Variants in RPL31 observed in about 807,000 individuals in gnomAD.
RPL31 encodes the protein ribosomal protein L31.
For missense variants in RPL31, 95 were observed against 164.0 expected (o/e 0.58, Z 2.30); for synonymous variants, 51 against 55.0 (o/e 0.93, Z 0.32).
At position 101,007,096 on chromosome 2, in the gene RPL31, TGAG is replaced by T. The variant is rs2105351684; in HGVS notation, c.*716_*718del. On this transcript the variant is annotated 3_prime_UTR_variant, in exon 5 of 5. Coordinates refer to ENST00000264258, the MANE Select transcript of RPL31 (RefSeq NM_000993.5). ...CCGTAGGGCACACCCAAGGCAGGGCTGAGAAGTACCTAGTAGTGTTGCACCACC... is the reference window on the plus strand; with the variant it reads ...CCGTAGGGCACACCCAAGGCAGGGCTAAGTACCTAGTAGTGTTGCACCACC... The T allele has an allele frequency of 6.6e-6, 1 of 152,408 alleles. No individual in the cohort carries two copies. The highest frequency in any genetic ancestry group is 2.4e-5 in the African/African-American group (1 of 41,568). The allele number at this position is 152,408 out of a possible 1,614,324, so 9.4% of individuals were successfully genotyped here. A position where few individuals can be genotyped will look rare whatever the true frequency, so the allele number is the denominator to read the frequency against.
intron 4 of RPL31, among the ~76,000 whole-genome samples, chr2:101,015,437 ATAAAT>A (rs930956405): frequency 2.0e-5 from 3 of 152,204 alleles, no homozygotes; most frequent in Admixed American, 6.5e-5. Flanking sequence ...ATCTTCAATA[ATAAAT>A]TAACCTCAGC....
chr2:101,009,361 G>A (rs757333895), downstream of RPL31, among the ~76,000 whole-genome samples: 22 of 150,472 alleles, frequency 1.5e-4, no homozygotes, highest in Admixed American at 2.0e-4. Context: ...AGCCGAGATC[G>A]TGCCACTGCA....
chr2:101,017,781 T>G, intron 4 of RPL31: 1 of 1,503,352 alleles, frequency 6.7e-7, no homozygotes, highest in Non-Finnish European at 9.0e-7. Flanking sequence ...ACCAAAATCT[T>G]GACAAGCTCA....
chr2:101,010,528 G>A (rs1043150606), downstream of RPL31, among the ~76,000 whole-genome samples: 7 of 151,774 alleles, frequency 4.6e-5, no homozygotes, highest in African/African-American at 1.5e-4. Context: ...ATGATGTTCC[G>A]CTACCTGGAC....
chr2:101,003,731 C>G (rs560636546), intron 2 of RPL31, among the ~76,000 whole-genome samples: 5 of 152,336 alleles, frequency 3.3e-5, no homozygotes, highest in African/African-American at 1.2e-4. Context: ...CAGGCCCCTG[C>G]TCTTTAAGCA....
At chr2:101,017,741 A>T in intron 4 of RPL31, 1 of 1,099,292 alleles carries the variant, frequency 9.1e-7, no homozygotes, top group Non-Finnish European at 1.3e-6. Flanking sequence ...CAGGCAAGAT[A>T]GGGTCAAGTG....
chr2:101,011,105 G>GGAGC, downstream of RPL31: 1 of 1,330,520 alleles, frequency 7.5e-7, no homozygotes. Context: ...GTAGGAGAGA[G>GGAGC]GAGCAAGGGG....
At chr2:101,002,891 A>G in intron 2 of RPL31, 83 bp downstream of exon 2, 2 of 990,632 alleles carry the variant, frequency 2.0e-6, no homozygotes, top group Non-Finnish European at 3.2e-6. Context: ...CCTCCACCCC[A>G]ATCTTTTCCT....
chr2:101,006,662 T>G lies in RPL31; in HGVS notation c.*281T>G. ...TGTTTTGCTAATTCTAAGATAAGCA[T>G]TTTTCCAGAAACCAGGATGTAGAAT... On this transcript the variant is annotated 3_prime_UTR_variant, in exon 5 of 5. Coordinates refer to ENST00000264258, the MANE Select transcript of RPL31 (RefSeq NM_000993.5). 1 of 344,950 alleles carries G rather than the reference T, an allele frequency of 2.9e-6. No homozygotes were observed. The highest frequency in any genetic ancestry group is 5.2e-6 in the Non-Finnish European group (1 of 192,546). 21.4% of individuals were successfully genotyped at this position (344,950 alleles called of 1,614,324 possible). A position where few individuals can be genotyped will look rare whatever the true frequency, so the allele number is the denominator to read the frequency against.
At chr2:101,016,841 A>C (rs971985432) in intron 4 of RPL31, among the ~76,000 whole-genome samples, 3 of 151,628 alleles carry the variant, frequency 2.0e-5, no homozygotes, top group African/African-American at 7.3e-5. Context: ...ACCAAACATC[A>C]CATGTTCTCA....
chr2:101,017,381 A>T (rs1162067686), intron 4 of RPL31, among the ~76,000 whole-genome samples: 2 of 152,202 alleles, frequency 1.3e-5, no homozygotes, highest in East Asian at 3.8e-4. Flanking sequence ...TGTTACATGT[A>T]ATTTTATATG....
intron 2 of RPL31, among the ~76,000 whole-genome samples, chr2:101,003,350 G>A (rs1234446281): frequency 2.0e-5 from 3 of 152,016 alleles, no homozygotes; most frequent in Admixed American, 1.3e-4. Flanking sequence ...GTCTTGCTCT[G>A]TCTCCAGCCT....
At chr2:101,019,079 C>G (rs764504260) in exon 5 of RPL31, 1 of 1,589,084 alleles carries the variant, frequency 6.3e-7, no homozygotes. Flanking sequence ...TGGGTCTCGG[C>G]TCTTCATTGC....
At position 101,007,132 on chromosome 2, in the gene RPL31, C is replaced by G. The variant is rs1377661141; in HGVS notation, c.*751C>G. The G allele has an allele frequency of 6.6e-6, 1 of 152,304 alleles. No homozygotes were observed. The highest frequency in any genetic ancestry group is 1.5e-5 in the Non-Finnish European group (1 of 68,146). The allele number at this position is 152,304 out of a possible 1,614,324, so 9.4% of individuals were successfully genotyped here. A position where few individuals can be genotyped will look rare whatever the true frequency, so the allele number is the denominator to read the frequency against. ...TAGTAGTGTTGCACCACCCAAAAAC[C>G]ATGGATGGGCAGCAGCAACATCTCC... is the stretch of plus-strand genomic sequence containing the variant. On this transcript the variant is annotated 3_prime_UTR_variant, in exon 5 of 5. Transcript: ENST00000264258.
At position 101,006,910 on chromosome 2, in the gene RPL31, C is replaced by T. The variant is rs532773817; in HGVS notation, c.*529C>T. ...TATTTTAAGCCTTTTGTAATGGCCC[C>T]GTGGTACCTGGAGTCAAGGTTCAGA... On this transcript the variant is annotated 3_prime_UTR_variant, in exon 5 of 5. Coordinates refer to ENST00000264258, the MANE Select transcript of RPL31 (RefSeq NM_000993.5). 22 of 152,314 alleles carry T rather than the reference C, an allele frequency of 1.4e-4. No homozygotes were observed. The highest frequency in any genetic ancestry group is 4.6e-4 in the African/African-American group (19 of 41,490). 9.4% of individuals were successfully genotyped at this position (152,314 alleles called of 1,614,324 possible). A position where few individuals can be genotyped will look rare whatever the true frequency, so the allele number is the denominator to read the frequency against.
intron 4 of RPL31, among the ~76,000 whole-genome samples, chr2:101,017,018 A>G (rs1363458053): frequency 6.6e-6 from 1 of 151,942 alleles, no homozygotes; most frequent in East Asian, 1.9e-4. Flanking sequence ...TGGCACATGT[A>G]TACATATGTA....
chr2:101,018,970 CA>C (rs760829461), intron 4 of RPL31: 25 of 1,608,638 alleles, frequency 1.6e-5, no homozygotes, highest in Non-Finnish European at 2.1e-5. Context: ...GACATGGTAC[CA>C]AATCATCTGT....
chr2:101,012,653 C>T (rs1431613858), intron 4 of RPL31, among the ~76,000 whole-genome samples: 8 of 151,530 alleles, frequency 5.3e-5, no homozygotes, highest in Non-Finnish European at 1.2e-4. Flanking sequence ...TTGAATTGTA[C>T]GCTTTAAACG....
chr2:101,002,864 A>G, intron 2 of RPL31, 56 bp downstream of exon 2: 1 of 1,280,968 alleles, frequency 7.8e-7, no homozygotes, highest in South Asian at 1.2e-5. Flanking sequence ...GTTGTTACCG[A>G]GAGATGTGCC....
Sources: allele counts gnomAD v4.1 joint callset (sites outside exome capture counted in the v4.1 genomes callset), GRCh38; gene constraint gnomAD v4.1.1; transcripts MANE v1.5; gene names NCBI Gene and HGNC (gene_info 2026-07-23, HGNC 2026-07-21).